IRS1: variants seen among roughly 807,000 people sequenced by gnomAD.
IRS1 encodes the protein insulin receptor substrate 1.
Under a neutral mutation model 65.6 loss-of-function variants are expected in IRS1, and 34 were observed. The ratio of observed to expected loss-of-function variants is 0.52; its 90% CI spans 0.39 to 0.69. The LOEUF is 0.69. IRS1 is among the 30% of genes least tolerant of loss of function. The pLI is 0.00. For synonymous variants in IRS1, 699 were observed against 683.5 expected (o/e 1.02, Z -0.35); for missense variants, 1,641 against 1,720.2 (o/e 0.95, Z 0.81).
At chr2:226,776,291 T>TAATATAAATATAAATATA (rs1939270772) in intron 1 of IRS1, among the ~76,000 whole-genome samples, 1 of 151,490 alleles carries the variant, frequency 6.6e-6, no homozygotes, top group Non-Finnish European at 1.5e-5. Context: ...GAGTCCATAC[T>TAATATAAATATAAATATA]AATATAAATA....
intron 1 of IRS1, among the ~76,000 whole-genome samples, chr2:226,765,416 G>T (rs1559151688): frequency 6.6e-6 from 1 of 152,172 alleles, no homozygotes; most frequent in Admixed American, 6.5e-5. Flanking sequence ...TCTTTGAAGG[G>T]TACTCTGTGC....
chr2:226,797,992 C>T lies in IRS1; in HGVS notation c.747G>A (p.Met249Ile). The change falls in exon 1 of 2, where the codon ATG becomes ATA. Residue 249 changes from methionine (M) to isoleucine (I), a missense_variant. Transcript: ENST00000305123. The surrounding 1 kb of genome is among the most constrained non-coding windows in gnomAD (Gnocchi z 8.1). ...GCATGGCCTCCAGGATGGTCTCGTG[C>T]ATGTTCTGGGCCACCACAGAGTCAT... is the stretch of plus-strand genomic sequence containing the variant. ...QVDDSVVAQN[M>I]HETILEAMRA... is the part of the protein sequence containing the mutation. 6.2e-7 allele frequency: 1 copy of T among 1,614,134 alleles called. No homozygotes were observed.
At chr2:226,757,683 C>T (rs954658308) in intron 1 of IRS1, among the ~76,000 whole-genome samples, 4 of 152,180 alleles carry the variant, frequency 2.6e-5, no homozygotes, top group African/African-American at 4.8e-5. Context: ...CACTTATAAT[C>T]TGAAAATATG....
intron 1 of IRS1, among the ~76,000 whole-genome samples, chr2:226,766,885 G>C (rs1939061588): frequency 6.6e-6 from 1 of 152,102 alleles, no homozygotes; most frequent in South Asian, 2.1e-4. Flanking sequence ...TGAAACCATA[G>C]AGCCAGCTGT....
At position 226,795,944 on chromosome 2, in the gene IRS1, C is replaced by G. The variant is rs368161112; in HGVS notation, c.2795G>C (p.Arg932Thr). Reference sequence around the variant, plus strand: ...CTCCTCAGTGCCAGTCTCTTCCTCTCTGGGAGCTGGCTGGAGCTGGGATGG... The same window carrying G: ...CTCCTCAGTGCCAGTCTCTTCCTCTGTGGGAGCTGGCTGGAGCTGGGATGG... ...RCPSQLQPAPREEETGTEEYM... is the reference protein window; with the variant it reads ...RCPSQLQPAPTEEETGTEEYM... The change falls in exon 1 of 2, where the codon AGA (arginine) becomes ACA (threonine). Residue 932 changes from arginine (R) to threonine (T), a missense_variant. Arg to Thr is a moderately conservative substitution (Grantham distance 71, BLOSUM62 -1). Coordinates refer to ENST00000305123, the MANE Select transcript of IRS1 (RefSeq NM_005544.3). 3.7e-6 allele frequency: 6 copies of G among 1,613,972 alleles called. No individual in the cohort carries two copies. The highest frequency in any genetic ancestry group is 5.1e-6 in the Non-Finnish European group (6 of 1,180,056).
chr2:226,755,078 T>C (rs984080193), intron 1 of IRS1, among the ~76,000 whole-genome samples: 25 of 152,230 alleles, frequency 1.6e-4, no homozygotes, highest in Non-Finnish European at 1.6e-4. Context: ...CCTGCCACAC[T>C]GCATGACCTG....
In IRS1 at chr2:226,797,845, C is replaced by T. The variant is rs747682753; in HGVS notation, c.894G>A (p.Gly298=). 6.3e-7 allele frequency: 1 copy of T among 1,598,100 alleles called. No individual in the cohort carries two copies. The highest frequency in any genetic ancestry group is 8.5e-7 in the Non-Finnish European group (1 of 1,174,592). ...HLNNPPPSQV[G]LTRRSRTESI... Reference sequence around the variant, plus strand: ...TCTCAGTGCGTGATCGGCGGGTCAGCCCCACCTGGCTGGGCGGGGGATTGT... The same window carrying T: ...TCTCAGTGCGTGATCGGCGGGTCAGTCCCACCTGGCTGGGCGGGGGATTGT... The change falls in exon 1 of 2, where the codon GGG becomes GGA. Residue 298 remains glycine, a synonymous_variant. Transcript: ENST00000305123. The surrounding 1 kb of genome is among the most constrained non-coding windows in gnomAD (Gnocchi z 8.1).
Position 226,797,782 on chromosome 2 carries a change from C to A in IRS1, c.957G>T (p.Gly319=). The A allele has an allele frequency of 1.3e-6, 2 of 1,595,412 alleles. No homozygotes were observed. The highest frequency in any genetic ancestry group is 1.7e-6 in the Non-Finnish European group (2 of 1,173,340). The change falls in exon 1 of 2, where the codon GGG becomes GGT. Residue 319 remains glycine (G), a synonymous_variant. Coordinates refer to ENST00000305123, the MANE Select transcript of IRS1 (RefSeq NM_005544.3). The surrounding 1 kb of genome is among the most constrained non-coding windows in gnomAD (Gnocchi z 8.1). The part of the protein sequence containing the change: ...TATSPASMVG[G]KPGSFRVRAS... ...CGCGGACACGGAAGGAGCCTGGCTTCCCGCCCACCATGCTGGCCGGGGAGG... is the reference window on the plus strand; with the variant it reads ...CGCGGACACGGAAGGAGCCTGGCTTACCGCCCACCATGCTGGCCGGGGAGG...
At chr2:226,762,535 C>G (rs182408357) in intron 1 of IRS1, among the ~76,000 whole-genome samples, 69 of 152,118 alleles carry the variant, frequency 4.5e-4, no homozygotes, top group Non-Finnish European at 8.2e-4. Flanking sequence ...CTTTGTGGAC[C>G]ATGTATAGTC....
intron 1 of IRS1, among the ~76,000 whole-genome samples, chr2:226,762,357 CA>C (rs67318812): frequency 0.56 from 67,251 of 119,838 alleles, 18,950 homozygotes; most frequent in Non-Finnish European, 0.71. Flanking sequence ...CATAAAAATG[CA>C]AAAAAAAAAA....
intron 1 of IRS1, among the ~76,000 whole-genome samples, chr2:226,763,294 T>A (rs1938957271): frequency 6.6e-6 from 1 of 152,174 alleles, no homozygotes; most frequent in Admixed American, 6.5e-5. Flanking sequence ...TTTTTGGGGT[T>A]TTTCTTTTTA....
In IRS1 at chr2:226,751,274, A is replaced by ATTTTTTTTTT. The variant is rs35699614; in HGVS notation, c.*22-15034_*22-15025dup. Among the ~76,000 whole-genome samples, 45 of 77,550 alleles carry ATTTTTTTTTT rather than the reference A, an allele frequency of 5.8e-4. 5 individuals are homozygous for ATTTTTTTTTT. Among genetic ancestry groups the ATTTTTTTTTT allele is most frequent in the East Asian group, 1.7e-3 (4 of 2,386 alleles). 50.9% of individuals were successfully genotyped at this position (77,550 alleles called of 152,430 possible). On this transcript the variant is annotated intron_variant, in intron 1 of 1. Coordinates refer to ENST00000305123, the MANE Select transcript of IRS1 (RefSeq NM_005544.3). ...ATTCCTTAAAAGACTCCACACGGGT[A>ATTTTTTTTTT]TTTTTTTTTTTTTTTTTTTTTTTTT...
At chr2:226,778,586 T>G (rs1167443433) in intron 1 of IRS1, among the ~76,000 whole-genome samples, 1 of 152,160 alleles carries the variant, frequency 6.6e-6, no homozygotes, top group East Asian at 1.9e-4. Flanking sequence ...GTATATACAT[T>G]ACCACTTTTG....
chr2:226,778,657 G>C (rs191444590), intron 1 of IRS1, among the ~76,000 whole-genome samples: 1 of 152,164 alleles, frequency 6.6e-6, no homozygotes, highest in African/African-American at 2.4e-5. Context: ...ACCATCCAAA[G>C]CTGCAACATA....
rs769250896 is a variant in IRS1 at position 226,796,953 on chromosome 2, C to T, written c.1786G>A (p.Gly596Arg). ...GLEMHPLERR[G>R]GHHRPDSSTL... ...GAGCTGTCTGGGCGGTGGTGCCCCC[C>T]CCGACGCTCCAAGGGGTGCATTTCC... Residue 596 changes from glycine to arginine, a missense_variant, in exon 1 of 2, where the codon GGG (glycine) becomes AGG (arginine). Around this residue, in one of 3 missense-constraint regions of IRS1, gnomAD observed 1,324 missense variants for 1,361.0 expected, o/e 0.97. Transcript: ENST00000305123. 20 of 1,563,890 alleles carry T rather than the reference C, an allele frequency of 1.3e-5. No individual in the cohort carries two copies. The highest frequency in any genetic ancestry group is 1.8e-5 in the Admixed American group (1 of 56,888).
At chr2:226,773,915 T>C (rs1324919438) in intron 1 of IRS1, among the ~76,000 whole-genome samples, 2 of 152,180 alleles carry the variant, frequency 1.3e-5, no homozygotes, top group African/African-American at 4.8e-5. Flanking sequence ...ATAAATATGA[T>C]CCTCAAGCCC....
At chr2:226,762,756 C>G (rs1287234007) in intron 1 of IRS1, among the ~76,000 whole-genome samples, 3 of 152,132 alleles carry the variant, frequency 2.0e-5, no homozygotes, top group African/African-American at 7.2e-5. Context: ...ATGCCAAGAC[C>G]TGTAATAACA....
intron 1 of IRS1, among the ~76,000 whole-genome samples, chr2:226,773,691 C>G (rs911824648): frequency 9.9e-5 from 15 of 151,882 alleles, no homozygotes; most frequent in Non-Finnish European, 1.8e-4. Flanking sequence ...CATCTCGGTC[C>G]TTAAACAAAA....
chr2:226,784,567 C>T (rs186978242), intron 1 of IRS1, among the ~76,000 whole-genome samples: 2 of 152,122 alleles, frequency 1.3e-5, no homozygotes, highest in Admixed American at 6.5e-5. Flanking sequence ...GGATTACAGG[C>T]GCCTGCCACC....
Sources: gnomAD v4.1 joint callset for allele counts (sites outside exome capture counted in the v4.1 genomes callset) on GRCh38, gnomAD v4.1.1 for gene constraint, gnomAD v4.1.1 regional missense constraint, Gnocchi (gnomAD v3.1) non-coding constraint, MANE v1.5 for transcripts, NCBI Gene and HGNC (gene_info 2026-07-23, HGNC 2026-07-21) for gene names.